The following NUP37 variants were observed in gnomAD, a reference collection of about 807,000 sequenced individuals.
NUP37 encodes nucleoporin Nup37.
In NUP37, 33 loss-of-function variants were observed where a neutral mutation model predicts 45.4. The ratio of observed to expected loss-of-function variants is 0.73; its 90% CI spans 0.55 to 0.97. NUP37 has a LOEUF of 0.97. NUP37 is among the 50% of genes least tolerant of loss of function. The pLI is 0.00. For missense variants in NUP37, 365 were observed against 389.7 expected (o/e 0.94, Z 0.53); for synonymous variants, 127 against 130.7 (o/e 0.97, Z 0.19).
chr12:102,080,806 G>C (rs1318595341), intron 6 of NUP37, among the ~76,000 whole-genome samples: 1 of 152,118 alleles, frequency 6.6e-6, no homozygotes, highest in African/African-American at 2.4e-5. Context: ...GTATGCAGTG[G>C]GGAAGGATCA....
In NUP37 at chr12:102,109,452, A is replaced by G. The variant is rs374199385; in HGVS notation, c.281+2656T>C. Among the ~76,000 whole-genome samples the G allele has an allele frequency of 2.9e-4, 44 of 152,310 alleles. No individual in the cohort carries two copies. The South Asian group carries it at 2.9e-3, about 10-fold the overall frequency. ...GAGTTACTATAGTATAATCACAATT[A>G]TGTACAATTATGTACAAAAATGAAA... On this transcript the variant is annotated intron_variant, in intron 3 of 9. Transcript: ENST00000552283.
intron 2 of NUP37, among the ~76,000 whole-genome samples, chr12:102,117,876 CAATT>C (rs1250102107): frequency 6.6e-6 from 1 of 152,084 alleles, no homozygotes; most frequent in Non-Finnish European, 1.5e-5. Context: ...ACTGCCTGCT[CAATT>C]AATATGACTC....
chr12:102,082,102 T>C (rs1488115753), intron 6 of NUP37, among the ~76,000 whole-genome samples: 1 of 152,224 alleles, frequency 6.6e-6, no homozygotes, highest in Non-Finnish European at 1.5e-5. Context: ...GGTCCTGTTA[T>C]TAGTATGCAT....
intron 3 of NUP37, among the ~76,000 whole-genome samples, chr12:102,109,991 T>C (rs1469802868): frequency 6.6e-6 from 1 of 152,216 alleles, no homozygotes; most frequent in Non-Finnish European, 1.5e-5. Flanking sequence ...CTGTTGGCAA[T>C]GACATTACGT....
chr12:102,096,451 T>C (rs1204124663), intron 5 of NUP37, among the ~76,000 whole-genome samples: 1 of 152,164 alleles, frequency 6.6e-6, no homozygotes, highest in African/African-American at 2.4e-5. Flanking sequence ...CCTATTCAGG[T>C]CACAGATTGT....
At chr12:102,101,806 C>T (rs906927990) in intron 3 of NUP37, among the ~76,000 whole-genome samples, 5 of 152,030 alleles carry the variant, frequency 3.3e-5, no homozygotes, top group Non-Finnish European at 5.9e-5. Flanking sequence ...ACCACTGCAG[C>T]CTCCACCTCC....
intron 3 of NUP37, 25 bp from the exon 4 acceptor site, chr12:102,101,129 A>G: frequency 7.0e-7 from 1 of 1,428,380 alleles, no homozygotes; most frequent in Non-Finnish European, 9.7e-7. Flanking sequence ...ACAAAAATAT[A>G]CCAATTTTTA....
Position 102,120,086 on chromosome 12 carries a change from C to T in NUP37, c.-102G>A, listed in dbSNP as rs759236438. ...AGGAACCGACCAGAGGCAGGCTGGT[C>T]TTCCTTGGGGGCTGCCGCGACGCGC... On this transcript the variant is annotated 5_prime_UTR_variant, in exon 1 of 10. Transcript: ENST00000552283. 6.3e-6 allele frequency: 1 copy of T among 159,966 alleles called. No homozygotes were observed. The highest frequency in any genetic ancestry group is 1.4e-5 in the Non-Finnish European group (1 of 72,016). The allele number at this position is 159,966 out of a possible 1,614,324, so 9.9% of individuals were successfully genotyped here. A position where few individuals can be genotyped will look rare whatever the true frequency, so the allele number is the denominator to read the frequency against.
intron 6 of NUP37, among the ~76,000 whole-genome samples, chr12:102,083,663 T>C (rs954326645): frequency 6.6e-6 from 1 of 152,242 alleles, no homozygotes; most frequent in Non-Finnish European, 1.5e-5. Flanking sequence ...AAGGGTACAG[T>C]GTAGTGACAA....
intron 8 of NUP37, among the ~76,000 whole-genome samples, chr12:102,075,801 T>C (rs1362470192): frequency 4.6e-5 from 7 of 152,082 alleles, no homozygotes; most frequent in African/African-American, 7.2e-5. Flanking sequence ...TGTCCTACCC[T>C]AGGGGATGAG....
At chr12:102,099,038 TCA>T (rs1555206330) in intron 5 of NUP37, 66 bp downstream of exon 5, 4 of 1,048,054 alleles carry the variant, frequency 3.8e-6, no homozygotes, top group African/African-American at 1.6e-5. Context: ...TTTTTTTTTC[TCA>T]TTTTAAAAAT....
chr12:102,077,583 TG>T, intron 6 of NUP37, 80 bp from the exon 7 acceptor site: 2 of 1,321,428 alleles, frequency 1.5e-6, no homozygotes, highest in Non-Finnish European at 2.1e-6. Context: ...GATTCACTGT[TG>T]TACGGTAAAA....
At chr12:102,114,533 C>T (rs1366561641) in intron 2 of NUP37, among the ~76,000 whole-genome samples, 1 of 152,128 alleles carries the variant, frequency 6.6e-6, no homozygotes, top group East Asian at 1.9e-4. Context: ...AATTAAGATA[C>T]TTTGGAAAAC....
intron 6 of NUP37, among the ~76,000 whole-genome samples, chr12:102,081,515 A>C (rs2136715743): frequency 6.6e-6 from 1 of 152,304 alleles, no homozygotes. Flanking sequence ...ATTGAGTTCA[A>C]ATCTGTCACT....
intron 9 of NUP37, 61 bp downstream of exon 9, chr12:102,074,940 A>T: frequency 1.8e-6 from 2 of 1,082,554 alleles, no homozygotes. Flanking sequence ...TGAGTGGAAA[A>T]GTCAAAAACA....
intron 3 of NUP37, among the ~76,000 whole-genome samples, chr12:102,101,381 C>T (rs1879967529): frequency 6.6e-6 from 1 of 152,156 alleles, no homozygotes; most frequent in African/African-American, 2.4e-5. Flanking sequence ...TAGAATTTTA[C>T]ACTAAATCAG....
intron 5 of NUP37, among the ~76,000 whole-genome samples, chr12:102,095,960 T>A (rs991362327): frequency 6.6e-6 from 1 of 152,128 alleles, no homozygotes; most frequent in African/African-American, 2.4e-5. Context: ...TACATTTTCA[T>A]GTTATCTTAT....
At chr12:102,100,423 A>T (rs1431345324) in intron 4 of NUP37, among the ~76,000 whole-genome samples, 5 of 152,254 alleles carry the variant, frequency 3.3e-5, no homozygotes, top group African/African-American at 7.2e-5. Context: ...AATAGAAAAC[A>T]CACATACGGC....
chr12:102,088,004 G>C (rs1480769779), intron 5 of NUP37, among the ~76,000 whole-genome samples: 1 of 152,044 alleles, frequency 6.6e-6, no homozygotes, highest in African/African-American at 2.4e-5. Flanking sequence ...ACAAAAACCT[G>C]ACTTAAAAAT....
Sources: gnomAD v4.1 joint callset for allele counts (sites outside exome capture counted in the v4.1 genomes callset) on GRCh38, gnomAD v4.1.1 for gene constraint, MANE v1.5 for transcripts, NCBI Gene and HGNC (gene_info 2026-07-23, HGNC 2026-07-21) for gene names.